The following PTBP3 variants were observed in gnomAD, a reference collection of about 807,000 sequenced individuals.
PTBP3 encodes polypyrimidine tract binding protein 3, also known as polypyrimidine tract-binding protein 3.
Under a neutral mutation model 58.7 loss-of-function variants are expected in PTBP3, and 20 were observed. That is an observed-to-expected ratio of 0.34 (90% confidence interval 0.24 to 0.50). PTBP3 has a LOEUF of 0.50. Among genes scored for constraint, PTBP3 ranks in the 20% least tolerant of loss-of-function variants. The pLI is 0.98. For synonymous variants in PTBP3, 185 were observed against 219.8 expected (o/e 0.84, Z 1.40); for missense variants, 509 against 637.2 (o/e 0.80, Z 2.17).
chr9:112,346,903 T>C, the PTBP3 span, among the ~76,000 whole-genome samples: 1 of 152,162 alleles, frequency 6.6e-6, no homozygotes, highest in African/African-American at 2.4e-5. Context: ...TTTGTATTTT[T>C]AGTAGAGATG....
Position 112,262,440 on chromosome 9 carries a change from G to T in PTBP3, c.511C>A (p.His171Asn). 1 of 1,595,238 alleles carries T rather than the reference G, an allele frequency of 6.3e-7. No homozygotes were observed. Among genetic ancestry groups the T allele is most frequent in the South Asian group, 1.2e-5 (1 of 86,738 alleles). ...GGGTATTTATTCCTCCTTACCTGATGAAGAACTTCCAGGGTAACAGGGTAA... is the reference window on the plus strand; with the variant it reads ...GGGTATTTATTCCTCCTTACCTGATTAAGAACTTCCAGGGTAACAGGGTAA... ...LFYPVTLEVL[H>N]QIFSKFGTVL... Residue 171 changes from histidine to asparagine, a missense_variant, in exon 5 of 14, where the codon CAT (histidine) becomes AAT (asparagine). Physicochemically the swap from His to Asn is moderately conservative, Grantham distance 68. Coordinates refer to ENST00000374257, the MANE Select transcript of PTBP3 (RefSeq NM_001163788.4).
At chr9:112,322,999 A>G (rs1830015283) in intron 1 of PTBP3, among the ~76,000 whole-genome samples, 1 of 152,234 alleles carries the variant, frequency 6.6e-6, no homozygotes, top group African/African-American at 2.4e-5. Context: ...TGTAATCCCA[A>G]GACTTGGGGA....
At chr9:112,261,573 G>A (rs7874660) in intron 5 of PTBP3, among the ~76,000 whole-genome samples, 72,116 of 151,990 alleles carry the variant, frequency 0.47, 17,625 homozygotes, top group African/African-American at 0.59. Flanking sequence ...CAAGGGAAGT[G>A]TTGCAGTATT....
chr9:112,377,439 C>T, the PTBP3 span, among the ~76,000 whole-genome samples: 1 of 152,198 alleles, frequency 6.6e-6, no homozygotes, highest in Non-Finnish European at 1.5e-5. Flanking sequence ...GGGAAGCCAC[C>T]TACAATGCAT....
In PTBP3 at chr9:112,223,621, G is replaced by A; in HGVS notation, c.*230C>T. 8.1e-7 allele frequency: 1 copy of A among 1,235,644 alleles called. No homozygotes were observed. The highest frequency in any genetic ancestry group is 1.0e-6 in the Non-Finnish European group (1 of 981,250). The allele number at this position is 1,235,644 out of a possible 1,614,324, so 76.5% of individuals were successfully genotyped here. ...TTTTTTTCCTGATTTTCTTTTTCCT[G>A]AAGGTTATTTTTGTAGAAACCATGG... On this transcript the variant is annotated 3_prime_UTR_variant, in exon 14 of 14. Transcript: ENST00000374257.
upstream of PTBP3, among the ~76,000 whole-genome samples, chr9:112,335,605 T>C (rs1271478884): frequency 4.3e-5 from 6 of 140,964 alleles, no homozygotes; most frequent in Non-Finnish European, 7.7e-5. Context: ...TTTTCTTTTT[T>C]TTTTTTTTTT....
At chr9:112,245,849 T>C (rs1212378062) in intron 7 of PTBP3, among the ~76,000 whole-genome samples, 2 of 152,080 alleles carry the variant, frequency 1.3e-5, no homozygotes, top group African/African-American at 2.4e-5. Context: ...AAGTAGGAAA[T>C]TATACCCTGT....
At chr9:112,298,724 A>C (rs1330478470) in intron 1 of PTBP3, among the ~76,000 whole-genome samples, 2 of 152,248 alleles carry the variant, frequency 1.3e-5, no homozygotes, top group African/African-American at 4.8e-5. Flanking sequence ...CAATAGTGCT[A>C]CAGCACATAT....
chr9:112,224,823 A>C (rs1834921263), intron 12 of PTBP3, among the ~76,000 whole-genome samples: 1 of 152,222 alleles, frequency 6.6e-6, no homozygotes, highest in Non-Finnish European at 1.5e-5. Flanking sequence ...CTGAATCATT[A>C]GCTTTGGAAG....
chr9:112,231,443 T>C (rs977269720), intron 9 of PTBP3, 30 bp from the exon 10 acceptor site: 1 of 1,538,286 alleles, frequency 6.5e-7, no homozygotes, highest in South Asian at 1.2e-5. Flanking sequence ...GTTAAGTGTC[T>C]GACAATTTAA....
chr9:112,239,598 G>C (rs1835562773), intron 7 of PTBP3, among the ~76,000 whole-genome samples: 1 of 151,892 alleles, frequency 6.6e-6, no homozygotes, highest in Non-Finnish European at 1.5e-5. Context: ...AGGCATGGTG[G>C]TATCTGCCTG....
chr9:112,221,803 TATC>T lies in PTBP3; in HGVS notation c.*2045_*2047del. ...TGAATTCTGCTTTTTAAACAATCTG[TATC>T]ATCTCTTGCAGTCTCTATTTTTTGG... On this transcript the variant is annotated 3_prime_UTR_variant, in exon 14 of 14. Transcript: ENST00000374257. 3.0e-6 allele frequency: 3 copies of T among 985,226 alleles called. No individual in the cohort carries two copies. The highest frequency in any genetic ancestry group is 3.6e-6 in the Non-Finnish European group (3 of 829,712). 61.0% of individuals were successfully genotyped at this position (985,226 alleles called of 1,614,324 possible).
chr9:112,290,695 T>TACACACACACAC (rs1335488388), intron 2 of PTBP3, among the ~76,000 whole-genome samples: 8 of 76,850 alleles, frequency 1.0e-4, no homozygotes, highest in Admixed American at 1.4e-4. Context: ...AAAATATATA[T>TACACACACACAC]ATATATATAT....
At chr9:112,369,649 G>A in the PTBP3 span, among the ~76,000 whole-genome samples, 1 of 152,204 alleles carries the variant, frequency 6.6e-6, no homozygotes, top group Non-Finnish European at 1.5e-5. Flanking sequence ...TGTCTCAGAT[G>A]AGACTTCAGA....
the PTBP3 span, among the ~76,000 whole-genome samples, chr9:112,354,354 G>A: frequency 1.3e-5 from 2 of 152,280 alleles, no homozygotes; most frequent in African/African-American, 4.8e-5. Flanking sequence ...TGATCCCACA[G>A]GGCACTGGCA....
intron 1 of PTBP3, among the ~76,000 whole-genome samples, chr9:112,302,026 G>A (rs1205878668): frequency 1.3e-5 from 2 of 152,078 alleles, no homozygotes; most frequent in African/African-American, 2.4e-5. Context: ...GCCACAGCCC[G>A]CTGTTACAGA....
At chr9:112,239,919 CT>C (rs1218790202) in intron 7 of PTBP3, among the ~76,000 whole-genome samples, 1 of 139,544 alleles carries the variant, frequency 7.2e-6, no homozygotes, top group East Asian at 2.2e-4. Context: ...TGAGGAAGAC[CT>C]TGACAAGACA....
At chr9:112,265,012 A>C (rs1201361226) in intron 4 of PTBP3, among the ~76,000 whole-genome samples, 2 of 152,220 alleles carry the variant, frequency 1.3e-5, no homozygotes, top group Non-Finnish European at 2.9e-5. Flanking sequence ...TTCTTAAAAG[A>C]ATCAGAGTAA....
At chr9:112,306,771 A>G (rs1829239129) in intron 1 of PTBP3, among the ~76,000 whole-genome samples, 1 of 151,850 alleles carries the variant, frequency 6.6e-6, no homozygotes, top group South Asian at 2.1e-4. Flanking sequence ...ACACACCACC[A>G]TGCCCGGCTA....
Sources: gnomAD v4.1 joint callset for allele counts (sites outside exome capture counted in the v4.1 genomes callset) on GRCh38, gnomAD v4.1.1 for gene constraint, MANE v1.5 for transcripts, NCBI Gene and HGNC (gene_info 2026-07-23, HGNC 2026-07-21) for gene names.